PDE11A: variants seen among roughly 807,000 people sequenced by gnomAD.
The protein encoded by PDE11A is dual 3',5'-cyclic-AMP and -GMP phosphodiesterase 11A.
A neutral mutation model predicts 100.5 loss-of-function variants in PDE11A; 100 were observed. That is an observed-to-expected ratio of 1.00 (90% CI 0.85 to 1.18). PDE11A has a LOEUF of 1.18. PDE11A is among the 50% of genes most tolerant of loss of function. PDE11A has a pLI of 0.00. For synonymous variants in PDE11A, 381 were observed against 420.8 expected (o/e 0.91, Z 1.16); for missense variants, 1,141 against 1,152.6 (o/e 0.99, Z 0.15).
chr2:178,011,291 C>T (rs2086271495), intron 2 of PDE11A, among the ~76,000 whole-genome samples: 2 of 152,082 alleles, frequency 1.3e-5, no homozygotes, highest in African/African-American at 2.4e-5. Flanking sequence ...CGGTCATTGA[C>T]CAAATCCTGG....
intron 9 of PDE11A, among the ~76,000 whole-genome samples, chr2:177,776,745 C>T (rs1199141299): frequency 6.6e-6 from 1 of 152,102 alleles, no homozygotes; most frequent in Non-Finnish European, 1.5e-5. Context: ...GGTGAGGACA[C>T]AGAGAGAAGG....
chr2:177,979,752 A>G (rs1447368709), intron 2 of PDE11A, among the ~76,000 whole-genome samples: 2 of 149,026 alleles, frequency 1.3e-5, no homozygotes, highest in East Asian at 3.9e-4. Context: ...CTGGGACTAC[A>G]GGCGCCTGCC....
chr2:177,688,041 G>A (rs747215060), intron 15 of PDE11A: 1 of 152,270 alleles, frequency 6.6e-6, no homozygotes, highest in East Asian at 1.9e-4. Flanking sequence ...CCAGCCTCCC[G>A]GTTCTGCCCT....
chr2:178,105,690 G>A, intron 1 of PDE11A: 1 of 907,962 alleles, frequency 1.1e-6, no homozygotes, highest in Admixed American at 3.1e-5. Flanking sequence ...TGAAGGCCCT[G>A]AATGTGGAAC....
chr2:177,698,060 A>G (rs1428066664), intron 14 of PDE11A, among the ~76,000 whole-genome samples: 6 of 152,170 alleles, frequency 3.9e-5, no homozygotes, highest in African/African-American at 1.4e-4. Context: ...CCCCCACAAC[A>G]AAGATTTACT....
At chr2:177,646,858 A>G (rs534266508) in intron 19 of PDE11A, among the ~76,000 whole-genome samples, 1 of 152,348 alleles carries the variant, frequency 6.6e-6, no homozygotes, top group South Asian at 2.1e-4. Flanking sequence ...CTAAGTTGTA[A>G]AGGACAGGCA....
At chr2:178,084,007 A>C (rs1311047793) in intron 2 of PDE11A, among the ~76,000 whole-genome samples, 5 of 152,238 alleles carry the variant, frequency 3.3e-5, no homozygotes, top group Admixed American at 1.3e-4. Context: ...AGATACGTTC[A>C]TATATACACA....
At chr2:177,923,919 G>T (rs1403001979) in intron 2 of PDE11A, among the ~76,000 whole-genome samples, 1 of 152,110 alleles carries the variant, frequency 6.6e-6, no homozygotes, top group African/African-American at 2.4e-5. Context: ...AGCAATATGT[G>T]TTAAATAAAT....
intron 2 of PDE11A, among the ~76,000 whole-genome samples, chr2:178,091,109 T>C (rs921794029): frequency 2.0e-5 from 3 of 152,222 alleles, no homozygotes; most frequent in African/African-American, 7.2e-5. Flanking sequence ...TCTCACTCTG[T>C]TGCTCAAGCT....
Position 177,752,101 on chromosome 2 carries a change from G to T in PDE11A, c.1788+17222C>A, listed in dbSNP as rs536009639. On this transcript the variant is annotated intron_variant, in intron 10 of 19. Transcript: ENST00000286063. ...AAGAATGTGAAAAACTCCAGCCTGA[G>T]ATCAGTGACCTGTTGAGAGCTCAGG... Among the ~76,000 whole-genome samples, 23 of 152,316 alleles carry T rather than the reference G, an allele frequency of 1.5e-4. No homozygotes were observed. The East Asian group carries it at 4.2e-3, about 28-fold the overall frequency.
At chr2:177,723,094 G>A (rs2081553024) in intron 12 of PDE11A, 1 of 152,044 alleles carries the variant, frequency 6.6e-6, no homozygotes, top group Admixed American at 6.6e-5. Context: ...GACAGGGAGG[G>A]AGGAGTTTCA....
At chr2:177,866,070 G>A (rs1458409340) in intron 5 of PDE11A, among the ~76,000 whole-genome samples, 3 of 152,060 alleles carry the variant, frequency 2.0e-5, no homozygotes, top group Non-Finnish European at 2.9e-5. Flanking sequence ...TGATAATTAC[G>A]CTGCCAAGTA....
At chr2:177,685,352 C>T (rs2080928908) in intron 15 of PDE11A, among the ~76,000 whole-genome samples, 1 of 152,158 alleles carries the variant, frequency 6.6e-6, no homozygotes, top group Non-Finnish European at 1.5e-5. Flanking sequence ...TAGATTCTAA[C>T]ATGAACCAAA....
intron 6 of PDE11A, among the ~76,000 whole-genome samples, chr2:177,829,437 A>G (rs1377380414): frequency 4.0e-4 from 60 of 151,084 alleles, no homozygotes. Context: ...TTATTAGGGT[A>G]TGATAGGCAA....
intron 19 of PDE11A, among the ~76,000 whole-genome samples, chr2:177,656,558 A>G: frequency 6.6e-6 from 1 of 152,264 alleles, no homozygotes; most frequent in East Asian, 1.9e-4. Context: ...CTTATACTGC[A>G]TCCCATCATT....
At chr2:177,710,155 AG>A (rs2081338693) in intron 13 of PDE11A, among the ~76,000 whole-genome samples, 1 of 152,056 alleles carries the variant, frequency 6.6e-6, no homozygotes, top group Non-Finnish European at 1.5e-5. Flanking sequence ...CCAGAGGAGA[AG>A]CAAGGAAGGG....
chr2:177,715,123 C>T (rs77361024), intron 12 of PDE11A, among the ~76,000 whole-genome samples: 425 of 152,284 alleles, frequency 2.8e-3, no homozygotes, highest in Non-Finnish European at 4.9e-3. Context: ...TGGTTGTTTT[C>T]GAGGATTTGC....
chr2:177,731,258 GT>G (rs2081684668), intron 10 of PDE11A, among the ~76,000 whole-genome samples: 1 of 152,216 alleles, frequency 6.6e-6, no homozygotes, highest in African/African-American at 2.4e-5. Context: ...AATATTAGAG[GT>G]TTTCCTTAGC....
chr2:178,101,986 C>T (rs1339165852), intron 2 of PDE11A, among the ~76,000 whole-genome samples: 1 of 151,544 alleles, frequency 6.6e-6, no homozygotes, highest in Non-Finnish European at 1.5e-5. Flanking sequence ...TTTTTTGAGA[C>T]AGGGTCTCAC....
Sources: gnomAD v4.1 joint callset for allele counts (sites outside exome capture counted in the v4.1 genomes callset) on GRCh38, gnomAD v4.1.1 for gene constraint, MANE v1.5 for transcripts, NCBI Gene and HGNC (gene_info 2026-07-23, HGNC 2026-07-21) for gene names.